The following TMEM272 variants were observed in gnomAD, a reference collection of about 807,000 sequenced individuals.
TMEM272 encodes the protein long intergenic non-protein coding RNA 282.
Under a neutral mutation model 3.7 loss-of-function variants are expected in TMEM272, and 8 were observed. That is an observed-to-expected ratio of 2.17 (90% confidence interval 1.27 to 3.91). TMEM272 has a LOEUF of 3.91. Ranked by LOEUF, TMEM272 falls within the 30% of genes most tolerant of loss-of-function variation. TMEM272 has a pLI of 0.00. For synonymous variants in TMEM272, 63 were observed against 39.8 expected (o/e 1.58, Z -2.20); for missense variants, 166 against 91.5 (o/e 1.81, Z -3.32).
chr13:51,926,013 ATATG>A, the TMEM272 span, among the ~76,000 whole-genome samples: 640 of 152,082 alleles, frequency 4.2e-3, 6 homozygotes, highest in African/African-American at 0.015. Flanking sequence ...TGTGTGGCAT[ATATG>A]TATGTGAGGT....
the TMEM272 span, among the ~76,000 whole-genome samples, chr13:51,887,658 C>G: frequency 2.6e-5 from 4 of 152,258 alleles, no homozygotes; most frequent in East Asian, 7.7e-4. Context: ...ATTTTCTGGC[C>G]TACTTAAAGG....
At chr13:51,896,447 G>A in the TMEM272 span, among the ~76,000 whole-genome samples, 1 of 152,194 alleles carries the variant, frequency 6.6e-6, no homozygotes, top group Non-Finnish European at 1.5e-5. Flanking sequence ...GTGAGCAGCA[G>A]CAGCATGTCC....
rs1956004586 is a variant in TMEM272 at position 51,815,028 on chromosome 13, T to A, written c.*1723A>T. 1 of 152,734 alleles carries A rather than the reference T, an allele frequency of 6.5e-6. No homozygotes were observed. The highest frequency in any genetic ancestry group is 2.4e-5 in the African/African-American group (1 of 41,446). The allele number at this position is 152,734 out of a possible 1,614,324, so 9.5% of individuals were successfully genotyped here. On this transcript the variant is annotated 3_prime_UTR_variant, in exon 5 of 5. Coordinates refer to ENST00000629372, the MANE Select transcript of TMEM272 (RefSeq NM_001351003.2). ...CATTGGCTAAGTGACTGGGAATGGCTGACGAGTCATGGACTGGGGAAAGGA... is the reference window on the plus strand; with the variant it reads ...CATTGGCTAAGTGACTGGGAATGGCAGACGAGTCATGGACTGGGGAAAGGA...
the TMEM272 span, among the ~76,000 whole-genome samples, chr13:51,919,153 C>T: frequency 1.3e-5 from 2 of 152,122 alleles, no homozygotes; most frequent in African/African-American, 4.8e-5. Flanking sequence ...CTCCCCAGCC[C>T]ACTGATTCAC....
chr13:51,882,233 G>C, the TMEM272 span, among the ~76,000 whole-genome samples: 7 of 152,144 alleles, frequency 4.6e-5, no homozygotes, highest in African/African-American at 1.7e-4. Context: ...TACCCTAGCT[G>C]TTTTCAATAA....
chr13:51,836,992 G>A (rs931958575), intron 2 of TMEM272, among the ~76,000 whole-genome samples: 8 of 152,340 alleles, frequency 5.3e-5, no homozygotes, highest in Admixed American at 5.2e-4. Context: ...ACTGTGCAGT[G>A]AAGGACCTCC....
At chr13:51,927,822 T>C in the TMEM272 span, among the ~76,000 whole-genome samples, 2 of 152,160 alleles carry the variant, frequency 1.3e-5, no homozygotes, top group East Asian at 3.9e-4. Context: ...CTTTTATGAG[T>C]GTCTGCTGTG....
intron 2 of TMEM272, among the ~76,000 whole-genome samples, chr13:51,831,483 G>C (rs1956172945): frequency 6.6e-6 from 1 of 152,224 alleles, no homozygotes; most frequent in African/African-American, 2.4e-5. Context: ...AAGCTGGCTA[G>C]AGAATCTTCA....
chr13:51,863,304 G>T, the TMEM272 span, among the ~76,000 whole-genome samples: 1 of 152,208 alleles, frequency 6.6e-6, no homozygotes, highest in Admixed American at 6.5e-5. Context: ...TGATCTTTGG[G>T]CTACAGGGTC....
chr13:51,908,862 G>C, the TMEM272 span: 1 of 1,432,730 alleles, frequency 7.0e-7, no homozygotes, highest in Admixed American at 1.7e-5. Context: ...CCCAGTGTCA[G>C]AAGGAGCCTT....
At chr13:51,896,625 C>T in the TMEM272 span, among the ~76,000 whole-genome samples, 4 of 152,118 alleles carry the variant, frequency 2.6e-5, no homozygotes, top group East Asian at 1.9e-4. Flanking sequence ...AAGCCTGTTG[C>T]GACCACCAGA....
the TMEM272 span, among the ~76,000 whole-genome samples, chr13:51,851,674 G>A: frequency 2.4e-3 from 363 of 152,034 alleles, 3 homozygotes; most frequent in Admixed American, 4.1e-3. Context: ...ACAGGCGCAC[G>A]CCACCATGTC....
intron 1 of TMEM272, 54 bp from the exon 2 acceptor site, chr13:51,838,607 C>G (rs1462106040): frequency 1.4e-6 from 1 of 702,882 alleles, no homozygotes; most frequent in African/African-American, 1.7e-5. Flanking sequence ...TTACTCAGCA[C>G]CAATAACCAA....
chr13:51,928,467 A>G, the TMEM272 span, among the ~76,000 whole-genome samples: 1 of 152,320 alleles, frequency 6.6e-6, no homozygotes, highest in Non-Finnish European at 1.5e-5. Flanking sequence ...TGTGCAGATG[A>G]GAAGGCTGAA....
the TMEM272 span, chr13:51,910,734 C>T: frequency 2.7e-5 from 10 of 375,082 alleles, no homozygotes; most frequent in Middle Eastern, 9.3e-4. Flanking sequence ...GCCAGGCAAC[C>T]GGAGCGGACC....
At chr13:51,873,412 C>G in the TMEM272 span, among the ~76,000 whole-genome samples, 1 of 152,178 alleles carries the variant, frequency 6.6e-6, no homozygotes, top group East Asian at 1.9e-4. Flanking sequence ...GGGAAATCTG[C>G]TCATTTTTTA....
chr13:51,860,624 A>G, the TMEM272 span, among the ~76,000 whole-genome samples: 2 of 128,510 alleles, frequency 1.6e-5, no homozygotes, highest in African/African-American at 6.2e-5. Flanking sequence ...AGCCTGAGTG[A>G]CAGAAACATG....
chr13:51,830,810 C>T (rs1956166600), intron 2 of TMEM272, among the ~76,000 whole-genome samples: 1 of 152,134 alleles, frequency 6.6e-6, no homozygotes, highest in Admixed American at 6.5e-5. Flanking sequence ...ACTCCCTGGC[C>T]CTGTTCTCAG....
chr13:51,919,849 C>T, the TMEM272 span, among the ~76,000 whole-genome samples: 3 of 152,224 alleles, frequency 2.0e-5, no homozygotes, highest in African/African-American at 7.2e-5. Context: ...CTGACTCCCC[C>T]ACTCAAATGC....
Sources: gnomAD v4.1 joint callset for allele counts (sites outside exome capture counted in the v4.1 genomes callset) on GRCh38, gnomAD v4.1.1 for gene constraint, MANE v1.5 for transcripts, NCBI Gene and HGNC (gene_info 2026-07-23, HGNC 2026-07-21) for gene names.